HIC2: variants seen among roughly 807,000 people sequenced by gnomAD.
HIC2 encodes the protein hypermethylated in cancer 2 protein.
In HIC2, 2 loss-of-function variants were observed where a neutral mutation model predicts 39.5. The ratio of observed to expected loss-of-function variants is 0.05; its 90% CI spans 0.02 to 0.16. The LOEUF is 0.16. Ranked by LOEUF, HIC2 falls within the 10% of genes least tolerant of loss-of-function variation. The pLI is 1.00. For missense variants in HIC2, 713 were observed against 863.5 expected, an observed-to-expected ratio of 0.83 and a Z score of 2.18; for synonymous variants, 399 against 368.8, an observed-to-expected ratio of 1.08 and a Z score of -0.94.
chr22:21,444,233 C>T (rs901150327), intron 2 of HIC2, among the ~76,000 whole-genome samples: 6 of 152,196 alleles, frequency 3.9e-5, no homozygotes, highest in Admixed American at 1.3e-4. Flanking sequence ...CTAGAGAGGA[C>T]GGAGGGTTCA....
At chr22:21,443,080 T>G (rs958403631) in intron 2 of HIC2, among the ~76,000 whole-genome samples, 3 of 152,060 alleles carry the variant, frequency 2.0e-5, no homozygotes, top group Admixed American at 6.6e-5. Context: ...GGCACTGATG[T>G]TTTCTGGGGG....
chr22:21,445,186 G>A lies in HIC2; in HGVS notation c.291G>A (p.Leu97=). Reference sequence around the variant, plus strand: ...GCTCCACAGTGTTCCAGCAGATCTTGGACTTCATCTACACAGGCAAGCTGC... The same window carrying A: ...GCTCCACAGTGTTCCAGCAGATCTTAGACTTCATCTACACAGGCAAGCTGC... The part of the protein sequence containing the change: ...MVSSTVFQQI[L]DFIYTGKLLP... The change falls in exon 3 of 3, where the codon TTG becomes TTA. Residue 97 remains leucine (L), a synonymous_variant. Transcript: ENST00000407464. 1.2e-6 allele frequency: 2 copies of A among 1,613,930 alleles called. No homozygotes were observed. The highest frequency in any genetic ancestry group is 1.7e-6 in the Non-Finnish European group (2 of 1,179,978).
chr22:21,433,549 AGCTT>A lies in HIC2; in HGVS notation c.-73-9208_-73-9205del, dbSNP rs1923378504. On this transcript the variant is annotated intron_variant, in intron 1 of 2. Coordinates refer to ENST00000407464, the MANE Select transcript of HIC2 (RefSeq NM_015094.3). ...TTTTTGGGCCCACAGCTAGCTAGCTAGCTTGTTGGCTTTATTTATTTAGAGACGA... is the reference window on the plus strand; with the variant it reads ...TTTTTGGGCCCACAGCTAGCTAGCTAGTTGGCTTTATTTATTTAGAGACGA... Among the ~76,000 whole-genome samples, 2 of 2,164 alleles carry A rather than the reference AGCTT, an allele frequency of 9.2e-4. 1 individual carries two copies. Among genetic ancestry groups the A allele is most frequent in the South Asian group, 2.5e-3 (2 of 804 alleles). The allele number at this position is 2,164 out of a possible 152,430, so 1.4% of individuals were successfully genotyped here. A position where few individuals can be genotyped will look rare whatever the true frequency, so the allele number is the denominator to read the frequency against.
Position 21,445,030 on chromosome 22 carries a change from G to A in HIC2, c.135G>A (p.Leu45=), listed in dbSNP as rs1313148765. 6.2e-7 allele frequency: 1 copy of A among 1,614,012 alleles called. No individual in the cohort carries two copies. The highest frequency in any genetic ancestry group is 1.3e-5 in the African/African-American group (1 of 74,928). The change falls in exon 3 of 3, where the codon CTG becomes CTA. Residue 45 remains leucine (L), a synonymous_variant. Transcript: ENST00000407464. ...ACCAGCAGAGGACCAAGGGCTTCCT[G>A]TGTGACGTCATCATCATGGTGGAGA... ...QLNQQRTKGF[L]CDVIIMVENS...
At position 21,445,355 on chromosome 22, in the gene HIC2, A is replaced by G. The variant is rs1568943385; in HGVS notation, c.460A>G (p.Thr154Ala). The change falls in exon 3 of 3, where the codon ACT becomes GCT. Residue 154 changes from threonine (T) to alanine (A), a missense_variant. By Grantham distance (58) the Thr-to-Ala change is moderately conservative. Around this residue, in one of 5 missense-constraint regions of HIC2, gnomAD observed 457 missense variants for 420.2 expected, o/e 1.09. Transcript: ENST00000407464. ...CTTTGGCTCTGGGAGGGCGGGGTCC[A>G]CTGGCATGGGGCGGCCCCCCCGCAG... is the stretch of plus-strand genomic sequence containing the variant. ...KPFGSGRAGSTGMGRPPRSQR... is the reference protein window; with the variant it reads ...KPFGSGRAGSAGMGRPPRSQR... 1 of 1,577,280 alleles carries G rather than the reference A, an allele frequency of 6.3e-7. No individual in the cohort carries two copies. Among genetic ancestry groups the G allele is most frequent in the East Asian group, 2.2e-5 (1 of 44,620 alleles).
rs1408660141 is a variant in HIC2 at position 21,449,928 on chromosome 22, G to A, written c.*3185G>A. On this transcript the variant is annotated 3_prime_UTR_variant, in exon 3 of 3. Transcript: ENST00000407464. Reference sequence around the variant, plus strand: ...GTGACCCTTGGGGATGGGTTGATGCGAGGGTCCCACTCAAGCCAAAAAGCC... The same window carrying A: ...GTGACCCTTGGGGATGGGTTGATGCAAGGGTCCCACTCAAGCCAAAAAGCC... 2.0e-5 allele frequency: 3 copies of A among 152,614 alleles called. No individual in the cohort carries two copies. The highest frequency in any genetic ancestry group is 2.9e-5 in the Non-Finnish European group (2 of 68,064). 9.5% of individuals were successfully genotyped at this position (152,614 alleles called of 1,614,324 possible).
chr22:21,432,306 C>T (rs1233294150), intron 1 of HIC2, among the ~76,000 whole-genome samples: 2,119 of 86,678 alleles, frequency 0.024, 23 homozygotes, highest in Non-Finnish European at 0.039. Context: ...GTTTGAACCT[C>T]GCTTGCCGTG....
intron 2 of HIC2, 129 bp from the exon 3 acceptor site, chr22:21,444,793 C>G: frequency 1.0e-6 from 1 of 975,906 alleles, no homozygotes; most frequent in South Asian, 1.6e-5. Flanking sequence ...GTGTACTGTG[C>G]CGCAGGGGCT....
In HIC2 at chr22:21,445,406, A is replaced by G; in HGVS notation, c.511A>G (p.Ile171Val). Residue 171 changes from isoleucine (I) to valine (V), a missense_variant, in exon 3 of 3, where the codon ATC becomes GTC. By Grantham distance (29) the Ile-to-Val change is conservative. Coordinates refer to ENST00000407464, the MANE Select transcript of HIC2 (RefSeq NM_015094.3). ...CCAGCGGCTGTCCACGGCCTCTGTC[A>G]TCCAAGCTCGGTATCAGGGGCTCGT... ...RSQRLSTASV[I>V]QARYQGLVDG... 1 of 1,534,414 alleles carries G rather than the reference A, an allele frequency of 6.5e-7. No homozygotes were observed. The highest frequency in any genetic ancestry group is 2.3e-5 in the East Asian group (1 of 44,108).
intron 2 of HIC2, among the ~76,000 whole-genome samples, chr22:21,443,951 T>C (rs1923661275): frequency 6.6e-6 from 1 of 152,158 alleles, no homozygotes; most frequent in Non-Finnish European, 1.5e-5. Context: ...TGTGCACCCA[T>C]TTGCCCTGCC....
rs1388023358 is a variant in HIC2 at position 21,449,204 on chromosome 22, A to G, written c.*2461A>G. ...TGTGGGGCGGGGCGGGATTAACACA[A>G]CATTTGGCTTTGTTTTCTTTTTCCT... On this transcript the variant is annotated 3_prime_UTR_variant, in exon 3 of 3. Transcript: ENST00000407464. 1 of 152,710 alleles carries G rather than the reference A, an allele frequency of 6.5e-6. No homozygotes were observed. The highest frequency in any genetic ancestry group is 1.5e-5 in the Non-Finnish European group (1 of 68,052). The allele number at this position is 152,710 out of a possible 1,614,324, so 9.5% of individuals were successfully genotyped here.
chr22:21,425,768 A>G (rs1249691019), intron 1 of HIC2, among the ~76,000 whole-genome samples: 12 of 129,482 alleles, frequency 9.3e-5, no homozygotes, highest in Non-Finnish European at 1.6e-5. Context: ...GCTGGAGTGC[A>G]GTGGTGGGAT....
In HIC2 at chr22:21,445,354, C is replaced by T. The variant is rs772066736; in HGVS notation, c.459C>T (p.Ser153=). 1.5e-5 allele frequency: 23 copies of T among 1,577,890 alleles called. No homozygotes were observed. Among genetic ancestry groups the T allele is most frequent in the Non-Finnish European group, 1.6e-5 (19 of 1,162,280 alleles). Residue 153 remains serine (S), a synonymous_variant, in exon 3 of 3, where the codon TCC becomes TCT. Transcript: ENST00000407464. The part of the protein sequence containing the change: ...GKPFGSGRAG[S]TGMGRPPRSQ... ...CCTTTGGCTCTGGGAGGGCGGGGTC[C>T]ACTGGCATGGGGCGGCCCCCCCGCA...
chr22:21,417,796 C>G (rs1254385568), intron 1 of HIC2, among the ~76,000 whole-genome samples: 1 of 145,282 alleles, frequency 6.9e-6, no homozygotes, highest in African/African-American at 2.5e-5. Context: ...GGTGGGGCAC[C>G]CGGGGCACAA....
chr22:21,443,902 A>C (rs966453380), intron 2 of HIC2, among the ~76,000 whole-genome samples: 3 of 152,100 alleles, frequency 2.0e-5, no homozygotes, highest in Non-Finnish European at 4.4e-5. Flanking sequence ...CCTTGGAGGG[A>C]CATTTCCCTC....
At position 21,446,876 on chromosome 22, in the gene HIC2, C is replaced by G. The variant is rs1333636419; in HGVS notation, c.*133C>G. 1 of 1,212,600 alleles carries G rather than the reference C, an allele frequency of 8.2e-7. No individual in the cohort carries two copies. The highest frequency in any genetic ancestry group is 1.5e-5 in the African/African-American group (1 of 65,034). 75.1% of individuals were successfully genotyped at this position (1,212,600 alleles called of 1,614,324 possible). On this transcript the variant is annotated 3_prime_UTR_variant, in exon 3 of 3. Transcript: ENST00000407464. The stretch of plus-strand genomic sequence containing the variant: ...CTCCGGGTGGCCCCTCTGGCCCCCA[C>G]TGCCCACACCCAGAGCTTTAATGGA...
Position 21,451,438 on chromosome 22 carries a change from C to A in HIC2, c.*4695C>A, listed in dbSNP as rs1056489328. On this transcript the variant is annotated 3_prime_UTR_variant, in exon 3 of 3. Coordinates refer to ENST00000407464, the MANE Select transcript of HIC2 (RefSeq NM_015094.3). Reference sequence around the variant, plus strand: ...CGATAAGAAACTGTTATTTTATGATCTTTTCATTAAAAGCTTGATTGAAAA... The same window carrying A: ...CGATAAGAAACTGTTATTTTATGATATTTTCATTAAAAGCTTGATTGAAAA... 1 of 152,796 alleles carries A rather than the reference C, an allele frequency of 6.5e-6. No homozygotes were observed. Among genetic ancestry groups the A allele is most frequent in the Non-Finnish European group, 1.5e-5 (1 of 68,044 alleles). 9.5% of individuals were successfully genotyped at this position (152,796 alleles called of 1,614,324 possible). A position where few individuals can be genotyped will look rare whatever the true frequency, so the allele number is the denominator to read the frequency against.
intron 2 of HIC2, among the ~76,000 whole-genome samples, chr22:21,444,430 C>T (rs577875223): frequency 9.0e-4 from 137 of 152,352 alleles, no homozygotes; most frequent in Middle Eastern, 3.4e-3. Flanking sequence ...TTGATTTGGG[C>T]CCTGCCGTAT....
Position 21,446,721 on chromosome 22 carries a change from G to A in HIC2, c.1826G>A (p.Arg609His). 3 of 1,604,938 alleles carry A rather than the reference G, an allele frequency of 1.9e-6. No homozygotes were observed. Among genetic ancestry groups the A allele is most frequent in the Non-Finnish European group, 1.7e-6 (2 of 1,173,042 alleles). Residue 609 changes from arginine (R) to histidine (H), a missense_variant, in exon 3 of 3, where the codon CGC becomes CAC. Arg to His is a conservative substitution (Grantham distance 29, BLOSUM62 0). Around this residue, in one of 5 missense-constraint regions of HIC2, gnomAD observed 40 missense variants for 124.4 expected, o/e 0.32. Transcript: ENST00000407464. ...CAGCGCAACCTCATCAGCCACCTGC[G>A]CATGCACACCTCCCCCTCCTAGAAG... is the stretch of plus-strand genomic sequence containing the variant. ...TQQRNLISHL[R>H]MHTSPS
Sources: gnomAD v4.1 joint callset for allele counts (sites outside exome capture counted in the v4.1 genomes callset) on GRCh38, gnomAD v4.1.1 for gene constraint, gnomAD v4.1.1 regional missense constraint, MANE v1.5 for transcripts, NCBI Gene and HGNC (gene_info 2026-07-23, HGNC 2026-07-21) for gene names.